IL1RAPL2: variants seen among roughly 807,000 people sequenced by gnomAD.
The protein encoded by IL1RAPL2 is interleukin 1 receptor accessory protein like 2.
A neutral mutation model predicts 44.1 loss-of-function variants in IL1RAPL2; 3 were observed. That is an observed-to-expected ratio of 0.07 (90% CI 0.03 to 0.18). The LOEUF (loss-of-function observed/expected upper bound fraction) is 0.18. Ranked by LOEUF, IL1RAPL2 falls within the 10% of genes least tolerant of loss-of-function variation. IL1RAPL2 has a pLI of 1.00. For missense variants in IL1RAPL2, 391 were observed against 496.4 expected, an observed-to-expected ratio of 0.79 and a Z score of 2.02; for synonymous variants, 181 against 178.8, an observed-to-expected ratio of 1.01 and a Z score of -0.10.
intron 2 of IL1RAPL2, among the ~76,000 whole-genome samples, chrX:104,760,754 C>T (rs777675268): frequency 2.0e-4 from 22 of 110,744 alleles, no homozygotes; most frequent in African/African-American, 3.0e-4. Flanking sequence ...TTGATTGTAT[C>T]CTTTGTTGTG....
intron 6 of IL1RAPL2, among the ~76,000 whole-genome samples, chrX:105,608,916 A>T (rs900075594): frequency 9.0e-6 from 1 of 111,609 alleles, no homozygotes; most frequent in Admixed American, 9.6e-5. Context: ...TTGATGATTC[A>T]CCACAAATTA....
At chrX:104,967,426 T>C (rs2030146119) in intron 2 of IL1RAPL2, among the ~76,000 whole-genome samples, 1 of 111,248 alleles carries the variant, frequency 9.0e-6, no homozygotes, top group South Asian at 3.7e-4. Flanking sequence ...AGAAAGAAGT[T>C]AGTAGCATTA....
chrX:104,980,654 G>A (rs2030419481), intron 2 of IL1RAPL2, among the ~76,000 whole-genome samples: 1 of 111,982 alleles, frequency 8.9e-6, no homozygotes, highest in South Asian at 3.6e-4. Flanking sequence ...TTTTAAACCT[G>A]TTTCATTCTC....
At chrX:104,699,273 C>T (rs751593898) in intron 2 of IL1RAPL2, among the ~76,000 whole-genome samples, 10 of 111,467 alleles carry the variant, frequency 9.0e-5, no homozygotes, top group Non-Finnish European at 1.9e-4. Flanking sequence ...AATTGAACAA[C>T]TCACCATAAT....
intron 1 of IL1RAPL2, among the ~76,000 whole-genome samples, chrX:104,583,012 C>T (rs1928442297): frequency 9.3e-6 from 1 of 107,438 alleles, no homozygotes; most frequent in Non-Finnish European, 1.9e-5. Flanking sequence ...CTCAGCCTCC[C>T]TAGTAGCTGA....
intron 2 of IL1RAPL2, among the ~76,000 whole-genome samples, chrX:105,193,555 G>A (rs947708466): frequency 8.9e-6 from 1 of 111,823 alleles, no homozygotes; most frequent in Non-Finnish European, 1.9e-5. Flanking sequence ...TTGATCCAGA[G>A]GTGTATCACT....
chrX:105,355,828 AATAG>A (rs2035197819), intron 5 of IL1RAPL2, among the ~76,000 whole-genome samples: 1 of 111,563 alleles, frequency 9.0e-6, no homozygotes, highest in South Asian at 3.7e-4. Flanking sequence ...ATATTTGATA[AATAG>A]ATGAATAATC....
chrX:105,105,788 A>G (rs2032732832), intron 2 of IL1RAPL2, among the ~76,000 whole-genome samples: 1 of 111,987 alleles, frequency 8.9e-6, no homozygotes, highest in Non-Finnish European at 1.9e-5. Flanking sequence ...AGAAACTTGA[A>G]CCTTATACAT....
At chrX:105,368,931 G>A (rs745794675) in intron 5 of IL1RAPL2, among the ~76,000 whole-genome samples, 22 of 108,699 alleles carry the variant, frequency 2.0e-4, no homozygotes, top group Non-Finnish European at 3.8e-4. Context: ...CTGTCTTCCT[G>A]TCTTCTTCTG....
intron 6 of IL1RAPL2, among the ~76,000 whole-genome samples, chrX:105,516,001 G>A (rs1427056831): frequency 8.9e-6 from 1 of 111,742 alleles, no homozygotes; most frequent in African/African-American, 3.3e-5. Flanking sequence ...GAAGTTGTAT[G>A]GCTGTCAGAA....
chrX:105,645,542 G>A (rs1328201745), intron 6 of IL1RAPL2, among the ~76,000 whole-genome samples: 1 of 111,825 alleles, frequency 8.9e-6, no homozygotes, highest in African/African-American at 3.3e-5. Flanking sequence ...ATAGTGTGGA[G>A]GATAAATGCA....
chrX:104,654,846 A>G (rs1930223054), intron 1 of IL1RAPL2, among the ~76,000 whole-genome samples: 1 of 110,815 alleles, frequency 9.0e-6, no homozygotes, highest in African/African-American at 3.3e-5. Flanking sequence ...CCCTCTTTTA[A>G]TTCGTTGAGC....
chrX:105,648,571 A>T (rs1230060785), intron 6 of IL1RAPL2, among the ~76,000 whole-genome samples: 3 of 111,471 alleles, frequency 2.7e-5, no homozygotes, highest in Non-Finnish European at 5.7e-5. Context: ...CACTTCACAA[A>T]GTGAAGTGCT....
intron 5 of IL1RAPL2, among the ~76,000 whole-genome samples, chrX:105,326,642 A>G (rs979320013): frequency 8.9e-6 from 1 of 111,786 alleles, no homozygotes; most frequent in Non-Finnish European, 1.9e-5. Flanking sequence ...AGCACCATCT[A>G]AAAACTATTT....
intron 6 of IL1RAPL2, among the ~76,000 whole-genome samples, chrX:105,668,530 A>G (rs190669909): frequency 8.9e-6 from 1 of 112,841 alleles, no homozygotes; most frequent in African/African-American, 3.2e-5. Flanking sequence ...CCAATCAACA[A>G]TGGTGTAGTG....
chrX:104,912,543 T>C (rs1051223499), intron 2 of IL1RAPL2, among the ~76,000 whole-genome samples: 1 of 111,763 alleles, frequency 8.9e-6, no homozygotes, highest in Non-Finnish European at 1.9e-5. Flanking sequence ...ATATTGATAC[T>C]ATATTATTTT....
chrX:105,413,095 AATTT>A (rs1465233362), intron 5 of IL1RAPL2, among the ~76,000 whole-genome samples: 10 of 111,949 alleles, frequency 8.9e-5, no homozygotes, highest in South Asian at 3.7e-4. Context: ...CAGTATATGT[AATTT>A]ATTTTCTGTG....
intron 2 of IL1RAPL2, among the ~76,000 whole-genome samples, chrX:104,872,326 G>A (rs1460540774): frequency 1.8e-5 from 2 of 111,676 alleles, no homozygotes; most frequent in East Asian, 5.6e-4. Flanking sequence ...GGACCTGAAA[G>A]TCATACAATT....
At chrX:105,171,078 A>G (rs1246210520) in intron 2 of IL1RAPL2, among the ~76,000 whole-genome samples, 1 of 111,823 alleles carries the variant, frequency 8.9e-6, no homozygotes, top group Non-Finnish European at 1.9e-5. Context: ...TTTAAAAGAA[A>G]GTTCAGTTTT....
Sources: allele counts gnomAD v4.1 joint callset (sites outside exome capture counted in the v4.1 genomes callset), GRCh38; gene constraint gnomAD v4.1.1; transcripts MANE v1.5; gene names NCBI Gene and HGNC (gene_info 2026-07-23, HGNC 2026-07-21).